Variants in DUSP22 observed in about 807,000 individuals in gnomAD.
DUSP22 encodes dual specificity phosphatase 22, also known as dual specificity protein phosphatase 22.
In DUSP22, 24 loss-of-function variants were observed where a neutral mutation model predicts 24.5. The ratio of observed to expected loss-of-function variants is 0.98; its 90% CI spans 0.71 to 1.38. DUSP22 has a LOEUF of 1.38. Ranked by LOEUF, DUSP22 falls within the 40% of genes most tolerant of loss-of-function variation. DUSP22 has a pLI of 0.00. For missense variants in DUSP22, 330 were observed against 269.2 expected, an observed-to-expected ratio of 1.23 and a Z score of -1.58; for synonymous variants, 160 against 106.4, an observed-to-expected ratio of 1.50 and a Z score of -3.10.
At chr6:301,389 TAAGA>T in intron 1 of DUSP22, among the ~76,000 whole-genome samples, 1 of 152,422 alleles carries the variant, frequency 6.6e-6, no homozygotes, top group Middle Eastern at 3.4e-3. Context: ...CGGCTGGACA[TAAGA>T]AAGAAGTTGG....
intron 1 of DUSP22, among the ~76,000 whole-genome samples, chr6:293,064 A>G (rs965051148): frequency 6.6e-6 from 1 of 152,290 alleles, no homozygotes; most frequent in African/African-American, 2.4e-5. Flanking sequence ...ACAGAGTCCT[A>G]AGTCCTGAGC....
Position 349,099 on chromosome 6 carries a change from C to A in DUSP22, c.*148C>A. The A allele has an allele frequency of 2.1e-6, 3 of 1,459,754 alleles. No individual in the cohort carries two copies. The South Asian group carries it at 4.3e-5, about 21-fold the overall frequency. 90.4% of individuals were successfully genotyped at this position (1,459,754 alleles called of 1,614,324 possible). On this transcript the variant is annotated 3_prime_UTR_variant, in exon 7 of 7. Coordinates refer to ENST00000419235, the MANE Select transcript of DUSP22 (RefSeq NM_001286555.3). The stretch of plus-strand genomic sequence containing the variant: ...GGCTCCTTCCCCCAAGCAACACCGC[C>A]CAGCCCTGCTCCAGGCCCCTGCACT...
chr6:345,386 T>C (rs1759815080), intron 4 of DUSP22, among the ~76,000 whole-genome samples: 1 of 152,302 alleles, frequency 6.6e-6, no homozygotes, highest in Non-Finnish European at 1.5e-5. Context: ...ATTTTTGTAT[T>C]TTTAGTAGAG....
At chr6:302,240 G>A (rs974040171) in intron 1 of DUSP22, among the ~76,000 whole-genome samples, 35 of 152,402 alleles carry the variant, frequency 2.3e-4, no homozygotes, top group East Asian at 5.8e-4. Flanking sequence ...GTTAAAACGC[G>A]TAAGATCGTC....
At chr6:315,037 G>A (rs1758279008) in intron 3 of DUSP22, among the ~76,000 whole-genome samples, 1 of 152,308 alleles carries the variant, frequency 6.6e-6, no homozygotes, top group African/African-American at 2.4e-5. Context: ...GAGTGGCTGG[G>A]TGGTCTCTGA....
At chr6:294,835 A>G (rs1182598915) in intron 1 of DUSP22, among the ~76,000 whole-genome samples, 1 of 152,280 alleles carries the variant, frequency 6.6e-6, no homozygotes, top group East Asian at 1.9e-4. Context: ...GCTCCAGAGG[A>G]TAAAATAGGC....
At chr6:323,412 G>C (rs944461938) in intron 3 of DUSP22, among the ~76,000 whole-genome samples, 5 of 152,298 alleles carry the variant, frequency 3.3e-5, no homozygotes, top group Non-Finnish European at 5.9e-5. Context: ...TTTCCCATGG[G>C]AAAGCAAATG....
chr6:343,946 C>T (rs1759737483), intron 4 of DUSP22, among the ~76,000 whole-genome samples: 2 of 152,302 alleles, frequency 1.3e-5, no homozygotes, highest in Non-Finnish European at 2.9e-5. Context: ...CAGTTTAGTC[C>T]ATGGGCAACT....
At chr6:311,548 C>T (rs6908565) in intron 2 of DUSP22, among the ~76,000 whole-genome samples, 11,669 of 148,096 alleles carry the variant, frequency 0.079, 26 homozygotes, top group East Asian at 0.24. Flanking sequence ...GGCGTGGTGG[C>T]GGGCGCCTGT....
chr6:340,700 T>A (rs1581187952), intron 4 of DUSP22, among the ~76,000 whole-genome samples: 1 of 152,306 alleles, frequency 6.6e-6, no homozygotes, highest in East Asian at 1.9e-4. Flanking sequence ...GTGGCCTTGC[T>A]GCTGTTATAG....
In DUSP22 at chr6:335,225, G is replaced by A. The variant is rs1315695483; in HGVS notation, c.188+62G>A. ...AAAAAAATGAATAGAGGATGGTAAA[G>A]TCAGAGAAGTAGAAGACTGTGAAGT... On this transcript the variant is annotated intron_variant, in intron 4 of 6. Coordinates refer to ENST00000419235, the MANE Select transcript of DUSP22 (RefSeq NM_001286555.3). 4.4e-6 allele frequency: 7 copies of A among 1,584,068 alleles called. No individual in the cohort carries two copies. In the South Asian group the frequency reaches 5.5e-5, roughly 13 times the overall value.
At chr6:336,185 C>G (rs1409379580) in intron 4 of DUSP22, among the ~76,000 whole-genome samples, 1 of 152,422 alleles carries the variant, frequency 6.6e-6, no homozygotes, top group South Asian at 2.1e-4. Context: ...TACTTAGCAT[C>G]CCATGCCACT....
chr6:309,325 G>T (rs966786472), intron 2 of DUSP22, among the ~76,000 whole-genome samples: 2 of 152,296 alleles, frequency 1.3e-5, no homozygotes, highest in Admixed American at 6.5e-5. Context: ...GTATAAAAAG[G>T]TTTTTTCTTT....
intron 3 of DUSP22, among the ~76,000 whole-genome samples, chr6:332,755 G>T (rs866797418): frequency 6.6e-6 from 1 of 151,954 alleles, no homozygotes; most frequent in Non-Finnish European, 1.5e-5. Context: ...TTTCCATCTC[G>T]TCTTAAGCTT....
intron 3 of DUSP22, among the ~76,000 whole-genome samples, chr6:332,077 T>G (rs1759166113): frequency 6.6e-6 from 1 of 152,312 alleles, no homozygotes; most frequent in African/African-American, 2.4e-5. Context: ...CAGTGTGATC[T>G]TTGTGTTCAT....
At chr6:304,491 GC>G in intron 1 of DUSP22, 136 bp from the exon 2 acceptor site, 1 of 1,299,216 alleles carries the variant, frequency 7.7e-7, no homozygotes, top group South Asian at 1.2e-5. Flanking sequence ...TGGGTCACCC[GC>G]GTGTCTGTCA....
At chr6:316,151 G>A (rs908041724) in intron 3 of DUSP22, among the ~76,000 whole-genome samples, 1 of 152,304 alleles carries the variant, frequency 6.6e-6, no homozygotes, top group Non-Finnish European at 1.5e-5. Context: ...GTTATTTAGT[G>A]CCTCTATGGC....
intron 3 of DUSP22, among the ~76,000 whole-genome samples, chr6:334,889 C>T (rs956741771): frequency 1.2e-4 from 18 of 152,308 alleles, no homozygotes; most frequent in African/African-American, 3.4e-4. Flanking sequence ...CCTAAACCTA[C>T]AGGCTGTTTG....
At chr6:322,866 G>T (rs1758675618) in intron 3 of DUSP22, among the ~76,000 whole-genome samples, 1 of 150,882 alleles carries the variant, frequency 6.6e-6, no homozygotes, top group South Asian at 2.1e-4. Flanking sequence ...GCAATAGGAA[G>T]TTTGAATGGG....
Sources: allele counts gnomAD v4.1 joint callset (sites outside exome capture counted in the v4.1 genomes callset), GRCh38; gene constraint gnomAD v4.1.1; transcripts MANE v1.5; gene names NCBI Gene and HGNC (gene_info 2026-07-23, HGNC 2026-07-21).